Variants in MCC observed in about 807,000 individuals in gnomAD.
MCC encodes the protein MCC regulator of Wnt signaling pathway, also known as colorectal mutant cancer protein.
MCC carries 90 observed loss-of-function variants against 116.2 expected under a neutral mutation model. The observed-to-expected ratio is 0.77, with a 90% CI of 0.65 to 0.92. MCC has a LOEUF of 0.92. Ranked by LOEUF, MCC falls within the 40% of genes least tolerant of loss-of-function variation. The probability of loss-of-function intolerance (pLI) is 0.00; values close to 1 mark genes in which losing one functional copy is unlikely to be tolerated. For synonymous variants in MCC, 578 were observed against 510.5 expected, an observed-to-expected ratio of 1.13 and a Z score of -1.78; for missense variants, 1,516 against 1,312.2, an observed-to-expected ratio of 1.16 and a Z score of -2.40.
intron 3 of MCC, among the ~76,000 whole-genome samples, chr5:113,258,165 A>AAT (rs1284408033): frequency 2.6e-5 from 4 of 152,244 alleles, no homozygotes; most frequent in African/African-American, 9.6e-5. Context: ...TTTTTAAAGA[A>AAT]AGGAATTAAA....
chr5:113,332,141 T>C (rs1419601936), intron 3 of MCC, among the ~76,000 whole-genome samples: 1 of 151,698 alleles, frequency 6.6e-6, no homozygotes, highest in Non-Finnish European at 1.5e-5. Flanking sequence ...TTCCAAATAC[T>C]ACCCCAAATG....
intron 17 of MCC, among the ~76,000 whole-genome samples, chr5:113,033,934 G>A (rs1751140876): frequency 6.6e-6 from 1 of 152,212 alleles, no homozygotes; most frequent in South Asian, 2.1e-4. Context: ...CATCCAGGCT[G>A]GAGTACAGTG....
At chr5:113,255,072 GA>G (rs1333583232) in intron 3 of MCC, among the ~76,000 whole-genome samples, 1 of 152,172 alleles carries the variant, frequency 6.6e-6, no homozygotes, top group Non-Finnish European at 1.5e-5. Context: ...GGCTGAGGCA[GA>G]AAAATCGATT....
intron 2 of MCC, among the ~76,000 whole-genome samples, chr5:113,366,843 C>T (rs1768700506): frequency 6.6e-6 from 1 of 152,104 alleles, no homozygotes; most frequent in African/African-American, 2.4e-5. Context: ...TACTCTATCA[C>T]CCAGGCTGGA....
intron 3 of MCC, among the ~76,000 whole-genome samples, chr5:113,152,681 G>A (rs186309338): frequency 7.7e-4 from 117 of 152,320 alleles, no homozygotes; most frequent in East Asian, 1.7e-3. Flanking sequence ...TGAGGGTGGG[G>A]TGGGTGTTGA....
chr5:113,150,049 T>A (rs903944380), intron 4 of MCC, among the ~76,000 whole-genome samples: 3 of 152,182 alleles, frequency 2.0e-5, no homozygotes, highest in African/African-American at 7.2e-5. Context: ...CTAGTCCCTG[T>A]GAACTTTGGA....
At chr5:113,334,059 C>A (rs937463298) in intron 3 of MCC, among the ~76,000 whole-genome samples, 5 of 146,680 alleles carry the variant, frequency 3.4e-5, no homozygotes, top group African/African-American at 1.0e-4. Context: ...AAAAATAAAG[C>A]TAATAATACT....
Position 113,103,102 on chromosome 5 carries a change from A to G in MCC, c.1191+1090T>C, listed in dbSNP as rs1756525746. Among the ~76,000 whole-genome samples the G allele has an allele frequency of 2.6e-5, 4 of 152,348 alleles. No homozygotes were observed. The South Asian group carries it at 8.3e-4, about 32-fold the overall frequency. ...GCACTCCAGCCTGGGCGACAGAGCA[A>G]GACTCCGTCTAAAAAAAAATAATAA... is the stretch of plus-strand genomic sequence containing the variant. On this transcript the variant is annotated intron_variant, in intron 7 of 18. Transcript: ENST00000408903.
intron 8 of MCC, among the ~76,000 whole-genome samples, chr5:113,085,598 G>A (rs902771032): frequency 1.6e-4 from 25 of 152,016 alleles, no homozygotes; most frequent in Non-Finnish European, 1.3e-4. Flanking sequence ...TATTCTTAAC[G>A]GAATCTGCCA....
At chr5:113,178,259 A>G (rs1319841759) in intron 3 of MCC, among the ~76,000 whole-genome samples, 1 of 152,252 alleles carries the variant, frequency 6.6e-6, no homozygotes, top group Admixed American at 6.5e-5. Context: ...ATGGAACCAG[A>G]TAAGGCAGTG....
chr5:113,169,508 T>C (rs1415697863), intron 3 of MCC, among the ~76,000 whole-genome samples: 1 of 152,074 alleles, frequency 6.6e-6, no homozygotes, highest in African/African-American at 2.4e-5. Context: ...TGGGTGGAGA[T>C]GAGGTGTGCA....
At position 113,341,210 on chromosome 5, in the gene MCC, CTCTT is replaced by C. The variant is rs1436749138; in HGVS notation, c.416-484_416-481del. 5.3e-5 allele frequency among the ~76,000 whole-genome samples: 8 copies of C among 151,666 alleles called. No homozygotes were observed. The East Asian group carries it at 5.8e-4, about 11-fold the overall frequency. On this transcript the variant is annotated intron_variant, in intron 2 of 18. Coordinates refer to ENST00000408903, the MANE Select transcript of MCC (RefSeq NM_001085377.2). The stretch of plus-strand genomic sequence containing the variant: ...TTCCTTCCTTCCTTCCTCTCTGTCT[CTCTT>C]TCTTTCTCTGTTTCTTTCTTTCTTT...
chr5:113,239,659 C>T (rs1451449856), intron 3 of MCC, among the ~76,000 whole-genome samples: 1 of 152,102 alleles, frequency 6.6e-6, no homozygotes, highest in Non-Finnish European at 1.5e-5. Flanking sequence ...AAAGTGCTGC[C>T]CATTTGTGGC....
chr5:113,373,942 C>T (rs1447877501), intron 2 of MCC, among the ~76,000 whole-genome samples: 1 of 151,690 alleles, frequency 6.6e-6, no homozygotes, highest in Non-Finnish European at 1.5e-5. Context: ...CACTCTGTCA[C>T]CCAAGCTGGA....
chr5:113,191,541 A>G (rs1210789261), intron 3 of MCC, among the ~76,000 whole-genome samples: 2 of 152,116 alleles, frequency 1.3e-5, no homozygotes, highest in Non-Finnish European at 2.9e-5. Flanking sequence ...AGCAAAGGGG[A>G]GAAACAGGAG....
intron 3 of MCC, among the ~76,000 whole-genome samples, chr5:113,303,685 G>C (rs1766916781): frequency 6.6e-6 from 1 of 152,024 alleles, no homozygotes; most frequent in African/African-American, 2.4e-5. Flanking sequence ...TTTTGAGACA[G>C]AGTCTCACTC....
chr5:113,293,000 T>C (rs1240258122), intron 3 of MCC, among the ~76,000 whole-genome samples: 1 of 152,160 alleles, frequency 6.6e-6, no homozygotes, highest in Non-Finnish European at 1.5e-5. Context: ...ACTCTCAGCA[T>C]TTCTTGAGTC....
chr5:113,222,971 T>C lies in MCC; in HGVS notation c.628-71549A>G, dbSNP rs139637523. On this transcript the variant is annotated intron_variant, in intron 3 of 18. Coordinates refer to ENST00000408903, the MANE Select transcript of MCC (RefSeq NM_001085377.2). ...AAGGCAAGGACTATTCCACCCATCA[T>C]TGCAACTCAGCACCTAGGGCTCAGA... Among the ~76,000 whole-genome samples the C allele has an allele frequency of 1.6e-3, 246 of 152,340 alleles. 2 individuals carry two copies. Among genetic ancestry groups the C allele is most frequent in the Non-Finnish European group, 2.8e-3 (191 of 68,028 alleles).
intron 5 of MCC, among the ~76,000 whole-genome samples, chr5:113,137,335 G>C (rs1231886089): frequency 6.6e-6 from 1 of 152,148 alleles, no homozygotes; most frequent in East Asian, 1.9e-4. Context: ...AATTCAAGAT[G>C]AGATTTGGGT....
Sources: gnomAD v4.1 joint callset for allele counts (sites outside exome capture counted in the v4.1 genomes callset) on GRCh38, gnomAD v4.1.1 for gene constraint, MANE v1.5 for transcripts, NCBI Gene and HGNC (gene_info 2026-07-23, HGNC 2026-07-21) for gene names.